POLB: variants seen among roughly 807,000 people sequenced by gnomAD.
The protein encoded by POLB is DNA polymerase beta.
POLB carries 37 observed loss-of-function variants against 52.7 expected under a neutral mutation model. The ratio of observed to expected loss-of-function variants is 0.70; its 90% CI spans 0.54 to 0.92. The LOEUF (loss-of-function observed/expected upper bound fraction) is 0.92, where lower values mean the gene tolerates loss of function less well. Ranked by LOEUF, POLB falls within the 40% of genes least tolerant of loss-of-function variation. The pLI is 0.00. For synonymous variants in POLB, 138 were observed against 131.3 expected, an observed-to-expected ratio of 1.05 and a Z score of -0.35; for missense variants, 313 against 400.8, an observed-to-expected ratio of 0.78 and a Z score of 1.87.
chr8:42,340,808 G>T lies in POLB; in HGVS notation c.119+1739G>T, dbSNP rs1458930223. ...TGTGCTCCCTCCTTTCCTTACTTCTGTGACTTCCTCTGTAAAGTAAAATAA... is the reference window on the plus strand; with the variant it reads ...TGTGCTCCCTCCTTTCCTTACTTCTTTGACTTCCTCTGTAAAGTAAAATAA... On this transcript the variant is annotated intron_variant, in intron 2 of 13. Transcript: ENST00000265421. 2.0e-5 allele frequency among the ~76,000 whole-genome samples: 3 copies of T among 152,046 alleles called. No homozygotes were observed. In the East Asian group the frequency reaches 5.8e-4, roughly 29 times the overall value.
Position 42,338,548 on chromosome 8 carries a change from C to T in POLB, c.-77C>T, listed in dbSNP as rs952317361. On this transcript the variant is annotated 5_prime_UTR_variant, in exon 1 of 14. Transcript: ENST00000265421. ...TTGCTCCTGCTCCCGTCTCCAAGTC[C>T]TGGTACCTCCTTCAAGCTGGGAGAG... The T allele has an allele frequency of 8.3e-6, 11 of 1,325,538 alleles. No individual in the cohort carries two copies. The highest frequency in any genetic ancestry group is 9.8e-6 in the Non-Finnish European group (9 of 917,984). 82.1% of individuals were successfully genotyped at this position (1,325,538 alleles called of 1,614,324 possible). A position where few individuals can be genotyped will look rare whatever the true frequency, so the allele number is the denominator to read the frequency against.
chr8:42,345,846 A>G (rs1281272480), intron 3 of POLB, among the ~76,000 whole-genome samples: 6 of 152,288 alleles, frequency 3.9e-5, no homozygotes, highest in Admixed American at 2.6e-4. Flanking sequence ...AAATCTTACT[A>G]AATGATTCAA....
chr8:42,345,867 A>G (rs1296296078), intron 3 of POLB, among the ~76,000 whole-genome samples: 2 of 152,234 alleles, frequency 1.3e-5, no homozygotes, highest in African/African-American at 2.4e-5. Flanking sequence ...AGTTCCTTAA[A>G]TTTAAGGACC....
At chr8:42,361,717 T>C (rs1156479811) in intron 10 of POLB, 1 of 181,322 alleles carries the variant, frequency 5.5e-6, no homozygotes, top group Non-Finnish European at 1.2e-5. Flanking sequence ...TTAGAAAACC[T>C]GTGAAGGCAA....
In POLB at chr8:42,339,000, G is replaced by A. The variant is rs745692155; in HGVS notation, c.62-12G>A. The A allele has an allele frequency of 1.2e-6, 2 of 1,612,536 alleles. No individual in the cohort carries two copies. The highest frequency in any genetic ancestry group is 3.3e-5 in the Admixed American group (2 of 60,026). ...TGGTTCTTGTTCACCCGAGCCTTCT[G>A]TTGCCTTTCAGAACTCGCAAACTTT... is the stretch of plus-strand genomic sequence containing the variant. On this transcript the variant is annotated splice_polypyrimidine_tract_variant and intron_variant, in intron 1 of 13. Transcript: ENST00000265421.
intron 10 of POLB, 155 bp downstream of exon 10, chr8:42,361,520 T>C (rs1249106294): frequency 1.6e-6 from 1 of 621,456 alleles, no homozygotes; most frequent in Non-Finnish European, 2.9e-6. Flanking sequence ...GAAAGGCAAA[T>C]TTCTCGAAAA....
At chr8:42,340,167 C>T (rs1030196312) in intron 2 of POLB, 9 of 152,340 alleles carry the variant, frequency 5.9e-5, no homozygotes, top group African/African-American at 2.2e-4. Context: ...TCTGTAATGG[C>T]ACTCTTTCTG....
chr8:42,354,602 G>A, intron 6 of POLB: 2 of 516,760 alleles, frequency 3.9e-6, no homozygotes, highest in South Asian at 3.2e-5. Flanking sequence ...GAAGTACAGT[G>A]GCGCAATCTT....
chr8:42,350,766 G>A (rs1822929140), intron 5 of POLB, among the ~76,000 whole-genome samples: 1 of 152,058 alleles, frequency 6.6e-6, no homozygotes, highest in South Asian at 2.1e-4. Flanking sequence ...TTCGGTGAAA[G>A]TTATTCTAAA....
chr8:42,340,542 G>A (rs1200852562), intron 2 of POLB, among the ~76,000 whole-genome samples: 1 of 152,106 alleles, frequency 6.6e-6, no homozygotes, highest in African/African-American at 2.4e-5. Context: ...CTGGTCCCAG[G>A]CATTTCAGAT....
At position 42,338,569 on chromosome 8, in the gene POLB, G is replaced by C; in HGVS notation, c.-56G>C. On this transcript the variant is annotated 5_prime_UTR_variant, in exon 1 of 14. Coordinates refer to ENST00000265421, the MANE Select transcript of POLB (RefSeq NM_002690.3). ...AGTCCTGGTACCTCCTTCAAGCTGG[G>C]AGAGGGCTCTAGTCCCTGGTTCTGA... The C allele has an allele frequency of 6.7e-7, 1 of 1,484,408 alleles. No homozygotes were observed. The highest frequency in any genetic ancestry group is 1.4e-5 in the African/African-American group (1 of 72,534). The allele number at this position is 1,484,408 out of a possible 1,614,324, so 92.0% of individuals were successfully genotyped here. A position where few individuals can be genotyped will look rare whatever the true frequency, so the allele number is the denominator to read the frequency against.
chr8:42,365,733 G>T (rs1428678017), intron 11 of POLB, among the ~76,000 whole-genome samples: 1 of 152,100 alleles, frequency 6.6e-6, no homozygotes, highest in African/African-American at 2.4e-5. Context: ...AATCTTAATG[G>T]TGTTCTGCTG....
intron 7 of POLB, among the ~76,000 whole-genome samples, chr8:42,356,871 T>C (rs1052125852): frequency 5.3e-4 from 80 of 152,324 alleles, no homozygotes; most frequent in African/African-American, 1.7e-3. Flanking sequence ...CTAACTTAAA[T>C]ATATTTATTT....
intron 6 of POLB, among the ~76,000 whole-genome samples, chr8:42,354,956 A>T (rs755513690): frequency 6.6e-6 from 1 of 152,232 alleles, no homozygotes; most frequent in African/African-American, 2.4e-5. Flanking sequence ...AAACATTCAG[A>T]AGTTATGGTT....
chr8:42,345,191 C>T, intron 3 of POLB, among the ~76,000 whole-genome samples, 172 bp downstream of exon 3: 1 of 152,242 alleles, frequency 6.6e-6, no homozygotes, highest in African/African-American at 2.4e-5. Context: ...TTTTCAAGCT[C>T]AAAATGTTTT....
chr8:42,357,131 T>C (rs1048900958), intron 7 of POLB, 38 bp from the exon 8 acceptor site: 5 of 1,139,610 alleles, frequency 4.4e-6, no homozygotes, highest in African/African-American at 3.1e-5. Context: ...GATTTAAATT[T>C]TACGAAAATC....
At chr8:42,339,216 C>A in intron 2 of POLB, 147 bp downstream of exon 2, 1 of 692,962 alleles carries the variant, frequency 1.4e-6, no homozygotes, top group Non-Finnish European at 2.6e-6. Flanking sequence ...CTTACTATTT[C>A]TTGAAGAATG....
intron 11 of POLB, among the ~76,000 whole-genome samples, chr8:42,366,820 T>C (rs1035159117): frequency 6.6e-6 from 1 of 152,260 alleles, no homozygotes; most frequent in African/African-American, 2.4e-5. Context: ...AAGACCGTTA[T>C]GCAGATCAAA....
At chr8:42,362,515 A>T in intron 10 of POLB, 97 bp from the exon 11 acceptor site, 1 of 766,038 alleles carries the variant, frequency 1.3e-6, no homozygotes, top group Non-Finnish European at 2.2e-6. Context: ...AGCCTGTGCA[A>T]TATAGCAAGA....
Sources: allele counts gnomAD v4.1 joint callset (sites outside exome capture counted in the v4.1 genomes callset), GRCh38; gene constraint gnomAD v4.1.1; transcripts MANE v1.5; gene names NCBI Gene and HGNC (gene_info 2026-07-23, HGNC 2026-07-21).